The following PALLD variants were observed in gnomAD, a reference collection of about 807,000 sequenced individuals.
PALLD encodes the protein palladin.
Under a neutral mutation model 123.5 loss-of-function variants are expected in PALLD, and 61 were observed. The ratio of observed to expected loss-of-function variants is 0.49; its 90% confidence interval spans 0.40 to 0.61. The LOEUF (loss-of-function observed/expected upper bound fraction) is 0.61. PALLD is among the 20% of genes least tolerant of loss of function. The pLI, the probability that PALLD is intolerant of heterozygous loss-of-function variation, is 0.00. For synonymous variants in PALLD, 465 were observed against 496.4 expected (o/e 0.94, Z 0.84); for missense variants, 1,273 against 1,377.0 (o/e 0.92, Z 1.20).
intron 2 of PALLD, among the ~76,000 whole-genome samples, chr4:168,549,501 T>C (rs1187409992): frequency 1.3e-5 from 2 of 152,180 alleles, no homozygotes; most frequent in Non-Finnish European, 2.9e-5. Flanking sequence ...CTCAATTAAT[T>C]TATTTTTTCC....
rs2710836 is a variant in PALLD at position 168,497,116 on chromosome 4, A to T, written c.-161A>T. 0.34 allele frequency: 51,447 copies of T among 151,926 alleles called. 9,239 individuals carry two copies. The highest frequency in any genetic ancestry group is 0.6 in the East Asian group (3,100 of 5,142). 9.4% of individuals were successfully genotyped at this position (151,926 alleles called of 1,614,324 possible). A position where few individuals can be genotyped will look rare whatever the true frequency, so the allele number is the denominator to read the frequency against. ...ATGAATAGGCAAGGCCACAACCTCC[A>T]TTCTCCCAGAAAAGAAGAAATGCTC... On this transcript the variant is annotated 5_prime_UTR_variant, in exon 1 of 22. Transcript: ENST00000505667.
intron 2 of PALLD, among the ~76,000 whole-genome samples, chr4:168,512,803 C>G (rs1762645950): frequency 1.3e-5 from 2 of 152,156 alleles, no homozygotes; most frequent in Non-Finnish European, 2.9e-5. Context: ...ATGGCTAAAA[C>G]TAGCTGCTAT....
chr4:168,766,726 G>A lies in PALLD; in HGVS notation c.1964+54803G>A, dbSNP rs547433404. On this transcript the variant is annotated intron_variant, in intron 10 of 21. Transcript: ENST00000505667. ...AACGACCTTCGGGAGAAGTCACTGC[G>A]CCTTAGAATGAGTCACTTATCAACT... is the stretch of plus-strand genomic sequence containing the variant. Among the ~76,000 whole-genome samples the A allele has an allele frequency of 4.7e-4, 71 of 152,304 alleles. 1 individual carries two copies. The highest frequency in any genetic ancestry group is 4.0e-3 in the Admixed American group (61 of 15,292).
intron 1 of PALLD, among the ~76,000 whole-genome samples, chr4:168,497,567 C>A (rs1302029227): frequency 6.6e-6 from 1 of 152,142 alleles, no homozygotes; most frequent in Non-Finnish European, 1.5e-5. Flanking sequence ...GCTTTCTAGA[C>A]CCTCACCCAT....
At chr4:168,591,455 C>T (rs186170567) in intron 2 of PALLD, among the ~76,000 whole-genome samples, 1 of 152,236 alleles carries the variant, frequency 6.6e-6, no homozygotes, top group East Asian at 1.9e-4. Flanking sequence ...ATAATACATC[C>T]CTATGAAACT....
intron 10 of PALLD, among the ~76,000 whole-genome samples, chr4:168,835,288 T>C (rs1460201897): frequency 6.6e-6 from 1 of 152,220 alleles, no homozygotes; most frequent in African/African-American, 2.4e-5. Flanking sequence ...ATTTTACAAA[T>C]AATCTTCTAC....
chr4:168,579,890 G>C (rs1770058252), intron 2 of PALLD, among the ~76,000 whole-genome samples: 2 of 151,964 alleles, frequency 1.3e-5, no homozygotes, highest in African/African-American at 4.8e-5. Flanking sequence ...TTGTGTGTGT[G>C]GTGAGAATAC....
chr4:168,520,054 C>T (rs990049678), intron 2 of PALLD, among the ~76,000 whole-genome samples: 3 of 151,654 alleles, frequency 2.0e-5, no homozygotes, highest in African/African-American at 4.8e-5. Flanking sequence ...TCGCCGGGCA[C>T]GGTGGCTCAT....
At chr4:168,716,444 A>G (rs1259298664) in intron 10 of PALLD, among the ~76,000 whole-genome samples, 1 of 152,188 alleles carries the variant, frequency 6.6e-6, no homozygotes, top group African/African-American at 2.4e-5. Context: ...TACTCTTACT[A>G]CTTGCTCTTA....
intron 2 of PALLD, chr4:168,536,567 G>C (rs574168720): frequency 6.6e-6 from 1 of 152,260 alleles, no homozygotes; most frequent in East Asian, 1.9e-4. Flanking sequence ...GGAAGGCAAA[G>C]GGAAAGCAAG....
chr4:168,712,409 G>A lies in PALLD; in HGVS notation c.1964+486G>A, dbSNP rs886675142. 2.8e-5 allele frequency: 6 copies of A among 212,922 alleles called. No homozygotes were observed. In the South Asian group the frequency reaches 4.6e-4, roughly 16 times the overall value. 13.2% of individuals were successfully genotyped at this position (212,922 alleles called of 1,614,324 possible). On this transcript the variant is annotated intron_variant, in intron 10 of 21. Transcript: ENST00000505667. Reference sequence around the variant, plus strand: ...CAGATCCTGGCAGGGCAATGAAACTGGAGGGAAGCAGGCTTGTGGGCAAGA... The same window carrying A: ...CAGATCCTGGCAGGGCAATGAAACTAGAGGGAAGCAGGCTTGTGGGCAAGA...
chr4:168,889,357 T>A (rs1753836934), intron 10 of PALLD, among the ~76,000 whole-genome samples: 1 of 151,478 alleles, frequency 6.6e-6, no homozygotes, highest in Admixed American at 6.6e-5. Flanking sequence ...AGAGACGGGG[T>A]TTTACCATGT....
intron 6 of PALLD, among the ~76,000 whole-genome samples, chr4:168,689,668 G>A (rs566892132): frequency 1.4e-4 from 21 of 151,606 alleles, no homozygotes; most frequent in East Asian, 1.2e-3. Context: ...GGCTGGTCTC[G>A]AACTGCTGAC....
Position 168,838,686 on chromosome 4 carries a change from T to G in PALLD, c.1965-52236T>G, listed in dbSNP as rs921336513. On this transcript the variant is annotated intron_variant, in intron 10 of 21. Coordinates refer to ENST00000505667, the MANE Select transcript of PALLD (RefSeq NM_001166108.2). ...TAACTCCTTTTTTTTTTTTTTTTTTTTTTTTTTGCTGTGTCATTTACTTGG... is the reference window on the plus strand; with the variant it reads ...TAACTCCTTTTTTTTTTTTTTTTTTGTTTTTTTGCTGTGTCATTTACTTGG... Among the ~76,000 whole-genome samples, 657 of 145,706 alleles carry G rather than the reference T, an allele frequency of 4.5e-3. 16 individuals are homozygous for G. Among genetic ancestry groups the G allele is most frequent in the African/African-American group, 0.016 (623 of 38,874 alleles).
At chr4:168,689,324 A>G (rs190850378) in intron 6 of PALLD, among the ~76,000 whole-genome samples, 1 of 152,170 alleles carries the variant, frequency 6.6e-6, no homozygotes, top group Non-Finnish European at 1.5e-5. Flanking sequence ...CAAACAAAAC[A>G]ATTCACACTT....
chr4:168,730,649 C>G lies in PALLD; in HGVS notation c.1964+18726C>G, dbSNP rs1787075108. Reference sequence around the variant, plus strand: ...TTTACCCTAGGATTGGGCAAGACCCCCAAGTGCCAATATCTTCAGGTCTTG... The same window carrying G: ...TTTACCCTAGGATTGGGCAAGACCCGCAAGTGCCAATATCTTCAGGTCTTG... On this transcript the variant is annotated intron_variant, in intron 10 of 21. Transcript: ENST00000505667. Among the ~76,000 whole-genome samples the G allele has an allele frequency of 2.0e-5, 3 of 151,984 alleles. No individual in the cohort carries two copies. In the South Asian group the frequency reaches 6.2e-4, roughly 32 times the overall value.
chr4:168,854,467 C>A (rs1316378022), intron 10 of PALLD, among the ~76,000 whole-genome samples: 1 of 152,186 alleles, frequency 6.6e-6, no homozygotes, highest in Non-Finnish European at 1.5e-5. Flanking sequence ...GTTCCACAGG[C>A]ATCCCCAATG....
chr4:168,725,305 G>C (rs1190046157), intron 10 of PALLD, among the ~76,000 whole-genome samples: 1 of 152,062 alleles, frequency 6.6e-6, no homozygotes, highest in Non-Finnish European at 1.5e-5. Context: ...TGCTTTCCTA[G>C]TAATTGCCAT....
At chr4:168,661,963 C>A (rs2149982393) in intron 2 of PALLD, among the ~76,000 whole-genome samples, 1 of 152,080 alleles carries the variant, frequency 6.6e-6, no homozygotes, top group East Asian at 1.9e-4. Flanking sequence ...TTCTCTTTCC[C>A]TTAATTTGAA....
Sources: gnomAD v4.1 joint callset for allele counts (sites outside exome capture counted in the v4.1 genomes callset) on GRCh38, gnomAD v4.1.1 for gene constraint, MANE v1.5 for transcripts, NCBI Gene and HGNC (gene_info 2026-07-23, HGNC 2026-07-21) for gene names.